CHRDL1: variants seen among roughly 807,000 people sequenced by gnomAD.
The protein encoded by CHRDL1 is chordin like 1, also known as chordin-like protein 1.
Under a neutral mutation model 40.9 loss-of-function variants are expected in CHRDL1, and 19 were observed. That is an observed-to-expected ratio of 0.46 (90% CI 0.32 to 0.68). The LOEUF is 0.68. CHRDL1 is among the 30% of genes least tolerant of loss of function. CHRDL1 has a pLI of 0.03. For synonymous variants in CHRDL1, 136 were observed against 123.4 expected, an observed-to-expected ratio of 1.10 and a Z score of -0.68; for missense variants, 329 against 352.1, an observed-to-expected ratio of 0.93 and a Z score of 0.53.
chrX:110,694,190 T>A lies in CHRDL1; in HGVS notation c.751A>T (p.Ile251Phe), dbSNP rs781026512. 5 of 1,210,091 alleles carry A rather than the reference T, an allele frequency of 4.1e-6. No homozygotes were observed. The highest frequency in any genetic ancestry group is 5.6e-6 in the Non-Finnish European group (5 of 894,076). Residue 251 changes from isoleucine to phenylalanine, a missense_variant, in exon 8 of 12, where the codon ATC becomes TTC. Transcript: ENST00000372042. ...QASGTIVQIV[I>F]NNKHKHGQVC... The stretch of plus-strand genomic sequence containing the variant: ...TGTCCATGCTTGTGTTTGTTATTGA[T>A]GACAATTTGCACAATGGTTCCTGAT...
intron 6 of CHRDL1, among the ~76,000 whole-genome samples, chrX:110,708,475 C>T (rs2070688605): frequency 9.0e-6 from 1 of 110,941 alleles, no homozygotes; most frequent in African/African-American, 3.3e-5. Context: ...AAGGATCAGA[C>T]AGTTATTTTC....
intron 2 of CHRDL1, among the ~76,000 whole-genome samples, chrX:110,766,908 T>C (rs1232261482): frequency 8.9e-6 from 1 of 111,739 alleles, no homozygotes; most frequent in Admixed American, 9.5e-5. Flanking sequence ...TACAGACCAA[T>C]ATCTTTGATG....
At chrX:110,742,226 C>T (rs1017493003) in intron 4 of CHRDL1, among the ~76,000 whole-genome samples, 3 of 111,695 alleles carry the variant, frequency 2.7e-5, no homozygotes, top group Admixed American at 9.5e-5. Flanking sequence ...GAAGGGAGGG[C>T]GCTATGTCTG....
intron 4 of CHRDL1, among the ~76,000 whole-genome samples, chrX:110,731,632 T>C (rs943000085): frequency 1.8e-5 from 2 of 111,997 alleles, no homozygotes; most frequent in Non-Finnish European, 3.8e-5. Context: ...AAATATGGTA[T>C]ATCCATAAAA....
At chrX:110,725,922 A>C (rs1004226240) in intron 4 of CHRDL1, among the ~76,000 whole-genome samples, 1 of 111,712 alleles carries the variant, frequency 9.0e-6, no homozygotes, top group Non-Finnish European at 1.9e-5. Flanking sequence ...GAGAAGGGAC[A>C]TGGAAATGAA....
chrX:110,685,868 A>G (rs2070001327), intron 9 of CHRDL1, among the ~76,000 whole-genome samples: 1 of 104,747 alleles, frequency 9.5e-6, no homozygotes, highest in Non-Finnish European at 1.9e-5. Flanking sequence ...GATTCCTAGA[A>G]GTGGAATTTT....
At chrX:110,679,287 G>A (rs1297239396) in intron 11 of CHRDL1, 49 bp downstream of exon 11, 22 of 910,435 alleles carry the variant, frequency 2.4e-5, no homozygotes, top group Non-Finnish European at 3.5e-5. Context: ...ATGCTAAATT[G>A]AAAACTGAAT....
At chrX:110,722,860 G>T (rs1228851997) in intron 4 of CHRDL1, among the ~76,000 whole-genome samples, 1 of 111,628 alleles carries the variant, frequency 9.0e-6, no homozygotes, top group Non-Finnish European at 1.9e-5. Flanking sequence ...GAGGCTTAGA[G>T]AGTTGAACCA....
intron 2 of CHRDL1, among the ~76,000 whole-genome samples, chrX:110,773,336 A>G (rs1013851784): frequency 1.8e-5 from 2 of 111,773 alleles, no homozygotes; most frequent in Non-Finnish European, 3.8e-5. Context: ...TCTTTGACCC[A>G]TGTGCGATTT....
chrX:110,696,812 G>A (rs2070395493), intron 7 of CHRDL1, among the ~76,000 whole-genome samples: 1 of 110,978 alleles, frequency 9.0e-6, no homozygotes, highest in South Asian at 3.8e-4. Context: ...TACTCCCCAA[G>A]AGACTCTGGT....
At chrX:110,746,501 A>G (rs905070229) in intron 4 of CHRDL1, among the ~76,000 whole-genome samples, 1 of 111,797 alleles carries the variant, frequency 8.9e-6, no homozygotes, top group Non-Finnish European at 1.9e-5. Flanking sequence ...CTTTGAGAAC[A>G]TCAGCATTAT....
intron 8 of CHRDL1, 74 bp downstream of exon 8, chrX:110,694,089 C>A: frequency 2.3e-6 from 2 of 852,145 alleles, no homozygotes; most frequent in South Asian, 4.9e-5. Context: ...GGTCCTTTCC[C>A]AGCTCCAGCC....
chrX:110,790,271 G>A (rs903688495), intron 2 of CHRDL1, among the ~76,000 whole-genome samples: 1 of 111,890 alleles, frequency 8.9e-6, no homozygotes, highest in Admixed American at 9.5e-5. Flanking sequence ...TGAAACACTG[G>A]ACCAGATCTG....
chrX:110,729,973 A>G (rs1326117608), intron 4 of CHRDL1, among the ~76,000 whole-genome samples: 2 of 111,897 alleles, frequency 1.8e-5, no homozygotes, highest in African/African-American at 3.3e-5. Context: ...TTTTACTACT[A>G]GCTATAAATG....
intron 7 of CHRDL1, among the ~76,000 whole-genome samples, chrX:110,697,064 C>G: frequency 9.0e-6 from 1 of 111,433 alleles, no homozygotes; most frequent in Non-Finnish European, 1.9e-5. Context: ...TTAGCTGCAA[C>G]TAGCCTGCTT....
intron 2 of CHRDL1, among the ~76,000 whole-genome samples, chrX:110,767,754 C>T (rs1238310728): frequency 9.0e-6 from 1 of 110,792 alleles, no homozygotes; most frequent in African/African-American, 3.3e-5. Context: ...GGAAACACAC[C>T]CCATGTTCAT....
intron 2 of CHRDL1, among the ~76,000 whole-genome samples, chrX:110,782,802 C>T (rs899147275): frequency 3.6e-5 from 4 of 112,468 alleles, no homozygotes; most frequent in African/African-American, 9.7e-5. Context: ...CATTTGTTCA[C>T]GTGGCATTTA....
chrX:110,711,020 C>T (rs1289419250), intron 6 of CHRDL1, among the ~76,000 whole-genome samples: 1 of 111,428 alleles, frequency 9.0e-6, no homozygotes, highest in Non-Finnish European at 1.9e-5. Flanking sequence ...ATAACTTACA[C>T]ACATACTCCC....
intron 6 of CHRDL1, among the ~76,000 whole-genome samples, chrX:110,714,642 C>T (rs919525096): frequency 1.8e-5 from 2 of 111,525 alleles, no homozygotes; most frequent in African/African-American, 6.5e-5. Flanking sequence ...CTCAAAGACA[C>T]GTCTAGCCAA....
Sources: allele counts gnomAD v4.1 joint callset (sites outside exome capture counted in the v4.1 genomes callset), GRCh38; gene constraint gnomAD v4.1.1; transcripts MANE v1.5; gene names NCBI Gene and HGNC (gene_info 2026-07-23, HGNC 2026-07-21).